The following PLCB4 variants were observed in gnomAD, a reference collection of about 807,000 sequenced individuals.
PLCB4 encodes the protein phospholipase C beta 4.
A neutral mutation model predicts 178.8 loss-of-function variants in PLCB4; 77 were observed. That is an observed-to-expected ratio of 0.43 (90% CI 0.36 to 0.52). The LOEUF is 0.52. Ranked by LOEUF, PLCB4 falls within the 20% of genes least tolerant of loss-of-function variation. PLCB4 has a pLI of 0.00. For missense variants in PLCB4, 1,024 were observed against 1,453.4 expected, an observed-to-expected ratio of 0.70 and a Z score of 4.80; for synonymous variants, 496 against 490.8, an observed-to-expected ratio of 1.01 and a Z score of -0.14.
rs185639474 is a variant in PLCB4, at chr20:9,354,619, T to A, written c.370-8277T>A. On this transcript the variant is annotated intron_variant, in intron 7 of 39. Coordinates refer to ENST00000378473, the MANE Select transcript of PLCB4 (RefSeq NM_001377142.1). Reference sequence around the variant, plus strand: ...ATCAAGGGAACCACACTTGAGAACCTCTGGCATAATGCAGACTGGAACTAC... The same window carrying A: ...ATCAAGGGAACCACACTTGAGAACCACTGGCATAATGCAGACTGGAACTAC... Among the ~76,000 whole-genome samples, 137 of 152,346 alleles carry A rather than the reference T, an allele frequency of 9.0e-4. 2 individuals carry two copies. Among genetic ancestry groups the A allele is most frequent in the Non-Finnish European group, 1.2e-4 (8 of 68,034 alleles).
intron 4 of PLCB4, among the ~76,000 whole-genome samples, chr20:9,316,402 C>T (rs2094899439): frequency 6.6e-6 from 1 of 152,152 alleles, no homozygotes; most frequent in African/African-American, 2.4e-5. Flanking sequence ...TCAACAGGGA[C>T]TGGCATGATC....
intron 35 of PLCB4, among the ~76,000 whole-genome samples, chr20:9,465,899 A>G (rs1223331687): frequency 6.6e-6 from 1 of 152,208 alleles, no homozygotes. Context: ...CCATCAAGCT[A>G]CCAATGACTT....
At chr20:9,427,891 C>T (rs1420086212) in intron 28 of PLCB4, among the ~76,000 whole-genome samples, 12 of 152,160 alleles carry the variant, frequency 7.9e-5, no homozygotes, top group Admixed American at 7.2e-4. Context: ...AGCCTCCCAG[C>T]GCTTTGTTCC....
intron 7 of PLCB4, among the ~76,000 whole-genome samples, chr20:9,340,255 G>C (rs1601946733): frequency 6.6e-6 from 1 of 152,128 alleles, no homozygotes; most frequent in African/African-American, 2.4e-5. Context: ...TGGCAGAATT[G>C]AGTTCTGTTG....
At chr20:9,184,354 T>C (rs1019582405) in intron 2 of PLCB4, among the ~76,000 whole-genome samples, 7 of 152,190 alleles carry the variant, frequency 4.6e-5, no homozygotes, top group African/African-American at 1.7e-4. Context: ...AAGTGGTTTT[T>C]TGGTGAATGT....
In PLCB4 at chr20:9,218,426, C is replaced by A. The variant is rs185123237; in HGVS notation, c.-16+974C>A. ...GGCTCAAATTGCTATTTTTAAATTGCTGTTACAAGTAAAGCATTTGGACTA... is the reference window on the plus strand; with the variant it reads ...GGCTCAAATTGCTATTTTTAAATTGATGTTACAAGTAAAGCATTTGGACTA... On this transcript the variant is annotated intron_variant, in intron 3 of 39. Coordinates refer to ENST00000378473, the MANE Select transcript of PLCB4 (RefSeq NM_001377142.1). Among the ~76,000 whole-genome samples the A allele has an allele frequency of 1.2e-3, 187 of 152,282 alleles. 1 individual carries two copies. Among genetic ancestry groups the A allele is most frequent in the Non-Finnish European group, 1.4e-3 (92 of 68,018 alleles).
At chr20:9,279,980 A>T (rs950010016) in intron 3 of PLCB4, among the ~76,000 whole-genome samples, 1 of 151,844 alleles carries the variant, frequency 6.6e-6, no homozygotes, top group Non-Finnish European at 1.5e-5. Flanking sequence ...CTATTGCTGG[A>T]GTTTAGGGTG....
At chr20:9,136,350 C>T (rs12479503) in intron 2 of PLCB4, among the ~76,000 whole-genome samples, 29,924 of 151,902 alleles carry the variant, frequency 0.2, 3,922 homozygotes, top group East Asian at 0.55. Context: ...CAGTGTGTGC[C>T]GATAAGCAGA....
In PLCB4 at chr20:9,479,229, C is replaced by T; in HGVS notation, c.*220C>T. On this transcript the variant is annotated 3_prime_UTR_variant, in exon 40 of 40. Transcript: ENST00000378473. ...ACAAATCCACAAAAATTTACTATTC[C>T]AGTAAGGCAGAGTCCAACCATTGAT... 1 of 550,516 alleles carries T rather than the reference C, an allele frequency of 1.8e-6. No individual in the cohort carries two copies. The highest frequency in any genetic ancestry group is 3.3e-6 in the Non-Finnish European group (1 of 306,898). The allele number at this position is 550,516 out of a possible 1,614,324, so 34.1% of individuals were successfully genotyped here.
At chr20:9,158,432 A>ATTTT (rs371785974) in intron 2 of PLCB4, among the ~76,000 whole-genome samples, 1 of 140,134 alleles carries the variant, frequency 7.1e-6, no homozygotes, top group Non-Finnish European at 1.6e-5. Context: ...CACCTGGCTA[A>ATTTT]TTTTTTTTTT....
At chr20:9,303,001 A>T (rs770559184) in intron 3 of PLCB4, among the ~76,000 whole-genome samples, 5 of 152,136 alleles carry the variant, frequency 3.3e-5, no homozygotes, top group Non-Finnish European at 7.4e-5. Context: ...CAGAAAAGAG[A>T]TGTTTTGCCC....
chr20:9,351,531 A>C (rs2034342162), intron 7 of PLCB4, among the ~76,000 whole-genome samples: 1 of 152,056 alleles, frequency 6.6e-6, no homozygotes, highest in Admixed American at 6.6e-5. Flanking sequence ...TAAATATTCT[A>C]TTTATTTTCC....
intron 16 of PLCB4, among the ~76,000 whole-genome samples, chr20:9,390,222 A>G (rs571508527): frequency 5.3e-5 from 8 of 152,360 alleles, no homozygotes; most frequent in Admixed American, 1.3e-4. Context: ...ATAAAAGTTC[A>G]GAGATTGGGA....
At chr20:9,416,269 C>T (rs1004879144) in intron 25 of PLCB4, among the ~76,000 whole-genome samples, 9 of 152,072 alleles carry the variant, frequency 5.9e-5, no homozygotes, top group African/African-American at 1.9e-4. Context: ...ATTGTGATCC[C>T]GTTTCTTATT....
intron 2 of PLCB4, among the ~76,000 whole-genome samples, chr20:9,185,078 A>G (rs1386316852): frequency 6.6e-6 from 1 of 152,146 alleles, no homozygotes; most frequent in Non-Finnish European, 1.5e-5. Context: ...GTGTGCCACC[A>G]TGCCCCACTG....
At chr20:9,216,362 C>T (rs1055177721) in intron 2 of PLCB4, among the ~76,000 whole-genome samples, 3 of 152,110 alleles carry the variant, frequency 2.0e-5, no homozygotes, top group East Asian at 1.9e-4. Flanking sequence ...GGACTACAGG[C>T]GCCTGCCACC....
intron 7 of PLCB4, 99 bp downstream of exon 7, chr20:9,339,136 G>A: frequency 1.1e-6 from 1 of 911,870 alleles, no homozygotes; most frequent in Non-Finnish European, 1.6e-6. Flanking sequence ...TAAATTGTAT[G>A]GTAATTTAAA....
chr20:9,371,160 A>G (rs1349879684), intron 9 of PLCB4, 54 bp from the exon 10 acceptor site: 8 of 1,135,084 alleles, frequency 7.0e-6, no homozygotes, highest in Non-Finnish European at 1.1e-5. Context: ...TTTGCATCAG[A>G]GAAAACATAA....
At chr20:9,466,134 A>G (rs530330432) in intron 35 of PLCB4, among the ~76,000 whole-genome samples, 1 of 152,338 alleles carries the variant, frequency 6.6e-6, no homozygotes, top group South Asian at 2.1e-4. Flanking sequence ...AACACCACAC[A>G]TCTACAACCA....
Sources: gnomAD v4.1 joint callset for allele counts (sites outside exome capture counted in the v4.1 genomes callset) on GRCh38, gnomAD v4.1.1 for gene constraint, MANE v1.5 for transcripts, NCBI Gene and HGNC (gene_info 2026-07-23, HGNC 2026-07-21) for gene names.